FRMPD4: variants seen among roughly 807,000 people sequenced by gnomAD.
FRMPD4 encodes the protein FERM and PDZ domain-containing protein 4.
Under a neutral mutation model 94.1 loss-of-function variants are expected in FRMPD4, and 22 were observed. The observed-to-expected ratio is 0.23, with a 90% confidence interval of 0.17 to 0.33. The LOEUF is 0.33. Among genes scored for constraint, FRMPD4 ranks in the 10% least tolerant of loss-of-function variants. The pLI is 1.00. For missense variants in FRMPD4, 1,111 were observed against 1,339.9 expected (o/e 0.83, Z 2.67); for synonymous variants, 631 against 548.6 (o/e 1.15, Z -2.10).
chrX:12,465,985 TCTC>T (rs201065736), intron 1 of FRMPD4, among the ~76,000 whole-genome samples: 45,194 of 110,046 alleles, frequency 0.41, 7,985 homozygotes, highest in East Asian at 0.71. Flanking sequence ...TCTCATTTCT[TCTC>T]TGGAGAATGA....
intron 3 of FRMPD4, among the ~76,000 whole-genome samples, chrX:11,907,677 C>G (rs750589772): frequency 1.6e-4 from 18 of 111,701 alleles, no homozygotes; most frequent in Admixed American, 5.7e-4. Context: ...AAAGGCACTA[C>G]CTTCTAAAAC....
intron 2 of FRMPD4, among the ~76,000 whole-genome samples, chrX:12,554,137 T>C (rs765342891): frequency 1.8e-5 from 2 of 112,244 alleles, no homozygotes; most frequent in South Asian, 3.7e-4. Context: ...TCATTGCCCT[T>C]GAAAAATGTT....
At chrX:12,112,311 G>A (rs1017057438) in intron 3 of FRMPD4, among the ~76,000 whole-genome samples, 7 of 110,928 alleles carry the variant, frequency 6.3e-5, no homozygotes, top group African/African-American at 9.9e-5. Context: ...GCAAACTATC[G>A]CAAGGACAGA....
chrX:11,957,471 A>G (rs2054262760), intron 3 of FRMPD4, among the ~76,000 whole-genome samples: 1 of 111,195 alleles, frequency 9.0e-6, no homozygotes, highest in South Asian at 3.8e-4. Flanking sequence ...AGGCTCAGCC[A>G]GGAGGATCCT....
At chrX:12,607,092 G>A (rs1027320686) in intron 2 of FRMPD4, among the ~76,000 whole-genome samples, 1 of 111,295 alleles carries the variant, frequency 9.0e-6, no homozygotes, top group African/African-American at 3.3e-5. Context: ...TCTTCCCTGT[G>A]TCTTAGTGCC....
At chrX:12,297,506 G>GA (rs768646231) in intron 1 of FRMPD4, among the ~76,000 whole-genome samples, 20 of 111,778 alleles carry the variant, frequency 1.8e-4, no homozygotes, top group African/African-American at 5.9e-4. Flanking sequence ...GGAATTGTGG[G>GA]AAAAAACAGA....
At chrX:12,247,745 A>G (rs930022017) in intron 1 of FRMPD4, among the ~76,000 whole-genome samples, 1 of 112,130 alleles carries the variant, frequency 8.9e-6, no homozygotes, top group Non-Finnish European at 1.9e-5. Context: ...AGTAAAAAAT[A>G]AGAGACTGTC....
chrX:12,421,538 G>A (rs1380822744), intron 1 of FRMPD4, among the ~76,000 whole-genome samples: 2 of 110,569 alleles, frequency 1.8e-5, no homozygotes, highest in South Asian at 3.9e-4. Context: ...CAGGAGGATC[G>A]CTTGAGTCCA....
intron 1 of FRMPD4, among the ~76,000 whole-genome samples, chrX:12,304,073 T>G (rs2054899208): frequency 8.9e-6 from 1 of 111,822 alleles, no homozygotes; most frequent in Non-Finnish European, 1.9e-5. Context: ...CACCTCCAAC[T>G]AGGAGGTTTT....
intron 2 of FRMPD4, among the ~76,000 whole-genome samples, chrX:12,528,320 T>G (rs1158451129): frequency 2.2e-5 from 1 of 44,526 alleles, no homozygotes; most frequent in Non-Finnish European, 3.6e-5. Flanking sequence ...TTTGTTTTTG[T>G]TTTTTTTTTT....
chrX:12,186,145 A>G (rs1360820474), intron 1 of FRMPD4, among the ~76,000 whole-genome samples: 1 of 111,393 alleles, frequency 9.0e-6, no homozygotes, highest in African/African-American at 3.3e-5. Context: ...ATAACTTTAA[A>G]AAAATCTCAC....
At chrX:12,297,840 T>C (rs2054796686) in intron 1 of FRMPD4, among the ~76,000 whole-genome samples, 1 of 111,337 alleles carries the variant, frequency 9.0e-6, no homozygotes, top group African/African-American at 3.3e-5. Flanking sequence ...CAGGGATACA[T>C]CCCTCACTTT....
intron 3 of FRMPD4, among the ~76,000 whole-genome samples, chrX:12,105,387 C>T (rs1018809736): frequency 1.8e-5 from 2 of 112,361 alleles, no homozygotes; most frequent in Non-Finnish European, 3.8e-5. Flanking sequence ...GACATTTTTG[C>T]TGGCTGCATT....
intron 2 of FRMPD4, chrX:12,583,519 G>A: frequency 9.2e-7 from 1 of 1,082,190 alleles, no homozygotes; most frequent in East Asian, 3.1e-5. Context: ...TGCCGGGAGC[G>A]TTCCCATATT....
At chrX:12,507,139 C>T (rs1416374260) in intron 2 of FRMPD4, among the ~76,000 whole-genome samples, 2 of 112,408 alleles carry the variant, frequency 1.8e-5, no homozygotes, top group Non-Finnish European at 3.8e-5. Flanking sequence ...AAAGGCTTAG[C>T]AAAGAGGAAT....
chrX:11,837,954 T>G (rs1209120666), intron 1 of FRMPD4, among the ~76,000 whole-genome samples: 1 of 111,351 alleles, frequency 9.0e-6, no homozygotes, highest in Non-Finnish European at 1.9e-5. Flanking sequence ...TACTCTAAAT[T>G]CCATGGGGAA....
intron 3 of FRMPD4, among the ~76,000 whole-genome samples, chrX:12,042,486 C>T (rs1490996834): frequency 9.0e-6 from 1 of 111,392 alleles, no homozygotes; most frequent in Non-Finnish European, 1.9e-5. Flanking sequence ...TATATCCTGC[C>T]TGTGCTCAAT....
At chrX:12,410,745 C>T (rs2056722928) in intron 1 of FRMPD4, among the ~76,000 whole-genome samples, 1 of 111,577 alleles carries the variant, frequency 9.0e-6, no homozygotes, top group Non-Finnish European at 1.9e-5. Context: ...CCAAGTACCA[C>T]TTAAATATTA....
chrX:12,050,512 C>T (rs993814023), intron 3 of FRMPD4, among the ~76,000 whole-genome samples: 11 of 111,711 alleles, frequency 9.8e-5, no homozygotes, highest in Non-Finnish European at 2.1e-4. Flanking sequence ...CCTAATGACA[C>T]ATTTCTCAGA....
Sources: gnomAD v4.1 joint callset for allele counts (sites outside exome capture counted in the v4.1 genomes callset) on GRCh38, gnomAD v4.1.1 for gene constraint, MANE v1.5 for transcripts, NCBI Gene and HGNC (gene_info 2026-07-23, HGNC 2026-07-21) for gene names.